The following IL1RAPL1 variants were observed in gnomAD, a reference collection of about 807,000 sequenced individuals.
IL1RAPL1 encodes the protein interleukin-1 receptor accessory protein-like 1.
A neutral mutation model predicts 48.4 loss-of-function variants in IL1RAPL1; 3 were observed. The observed-to-expected ratio is 0.06, with a 90% confidence interval of 0.03 to 0.16. The LOEUF (loss-of-function observed/expected upper bound fraction) is 0.16, where lower values mean the gene tolerates loss of function less well. IL1RAPL1 is among the 10% of genes least tolerant of loss of function. The probability of loss-of-function intolerance (pLI) is 1.00; values close to 1 mark genes in which losing one functional copy is unlikely to be tolerated. For missense variants in IL1RAPL1, 349 were observed against 530.6 expected (o/e 0.66, Z 3.36); for synonymous variants, 185 against 187.7 (o/e 0.99, Z 0.12).
At chrX:29,163,600 A>G (rs1246134675) in intron 2 of IL1RAPL1, among the ~76,000 whole-genome samples, 2 of 111,427 alleles carry the variant, frequency 1.8e-5, no homozygotes, top group East Asian at 2.8e-4. Flanking sequence ...GTGAGAGGTA[A>G]TAAGACCTCT....
chrX:28,892,624 G>A (rs1156603321), intron 2 of IL1RAPL1, among the ~76,000 whole-genome samples: 2 of 110,717 alleles, frequency 1.8e-5, no homozygotes, highest in African/African-American at 6.6e-5. Flanking sequence ...CAGTGTTGAA[G>A]TGTTGGGGCG....
intron 2 of IL1RAPL1, among the ~76,000 whole-genome samples, chrX:28,962,882 ATGTGTG>A (rs56826606): frequency 2.4e-3 from 228 of 96,004 alleles, no homozygotes; most frequent in African/African-American, 7.9e-3. Context: ...GTCTGTGTGT[ATGTGTG>A]TGTGTGTGTG....
At chrX:28,768,735 C>G (rs1378690722) in intron 1 of IL1RAPL1, among the ~76,000 whole-genome samples, 13 of 66,743 alleles carry the variant, frequency 1.9e-4, no homozygotes, top group African/African-American at 6.1e-4. Flanking sequence ...CTCTGTCTCT[C>G]TCTCTCTCTC....
chrX:28,726,526 A>G (rs1035210738), intron 1 of IL1RAPL1, among the ~76,000 whole-genome samples: 11 of 111,968 alleles, frequency 9.8e-5, no homozygotes, highest in Non-Finnish European at 1.9e-5. Context: ...TTAAAACTTT[A>G]AGGAAAAACC....
chrX:29,181,412 AT>A (rs1179498578), intron 2 of IL1RAPL1, among the ~76,000 whole-genome samples: 1 of 111,757 alleles, frequency 8.9e-6, no homozygotes, highest in Non-Finnish European at 1.9e-5. Flanking sequence ...TAAACCTATA[AT>A]TTTTTACATG....
intron 2 of IL1RAPL1, among the ~76,000 whole-genome samples, chrX:29,153,608 G>A (rs1268132677): frequency 1.9e-4 from 21 of 112,476 alleles, no homozygotes; most frequent in Non-Finnish European, 3.6e-4. Context: ...ACTTCCATGT[G>A]TACACATAAT....
intron 5 of IL1RAPL1, among the ~76,000 whole-genome samples, chrX:29,514,730 G>A (rs956394791): frequency 3.6e-5 from 4 of 112,622 alleles, no homozygotes; most frequent in Middle Eastern, 4.7e-3. Context: ...GATTACAGGC[G>A]TGAGCCACCG....
chrX:29,007,006 G>A (rs1926000758), intron 2 of IL1RAPL1, among the ~76,000 whole-genome samples: 3 of 111,035 alleles, frequency 2.7e-5, no homozygotes, highest in Admixed American at 9.7e-5. Flanking sequence ...GACTCTGCAT[G>A]TAGCAATTGG....
intron 1 of IL1RAPL1, among the ~76,000 whole-genome samples, chrX:28,776,975 C>G (rs1936368935): frequency 8.9e-6 from 1 of 112,135 alleles, no homozygotes; most frequent in African/African-American, 3.2e-5. Flanking sequence ...TCTGGCTTTT[C>G]AAATATTTTA....
chrX:28,965,100 G>A (rs1924887593), intron 2 of IL1RAPL1, among the ~76,000 whole-genome samples: 1 of 111,031 alleles, frequency 9.0e-6, no homozygotes, highest in African/African-American at 3.3e-5. Context: ...TTAAGAAATG[G>A]GTGAAATGGT....
intron 7 of IL1RAPL1, 125 bp downstream of exon 7, chrX:29,917,721 A>T: frequency 1.9e-6 from 1 of 524,764 alleles, no homozygotes; most frequent in Non-Finnish European, 3.1e-6. Context: ...TACAATATTT[A>T]ATGATAAAGA....
In IL1RAPL1 at chrX:29,336,304, GGTGTGTGTGTGTGTGT is replaced by G. The variant is rs375590826; in HGVS notation, c.362+53116_362+53131del. ...TATATATATATATGCACCGTTTTGG[GGTGTGTGTGTGTGTGT>G]GTGTGTGTGTGTGTGTGTGTGTGTG... On this transcript the variant is annotated intron_variant, in intron 3 of 10. Coordinates refer to ENST00000378993, the MANE Select transcript of IL1RAPL1 (RefSeq NM_014271.4). 2.8e-4 allele frequency among the ~76,000 whole-genome samples: 20 copies of G among 70,868 alleles called. 1 individual carries two copies. Among genetic ancestry groups the G allele is most frequent in the African/African-American group, 8.6e-4 (16 of 18,599 alleles). 61.5% of individuals were successfully genotyped at this position (70,868 alleles called of 115,157 possible). A position where few individuals can be genotyped will look rare whatever the true frequency, so the allele number is the denominator to read the frequency against.
At chrX:29,190,279 A>G (rs1372445189) in intron 2 of IL1RAPL1, among the ~76,000 whole-genome samples, 1 of 112,167 alleles carries the variant, frequency 8.9e-6, no homozygotes, top group Non-Finnish European at 1.9e-5. Flanking sequence ...TTGGTATCAT[A>G]TGAAGCCAGA....
chrX:29,308,197 T>C (rs1422654805), intron 3 of IL1RAPL1, among the ~76,000 whole-genome samples: 2 of 112,001 alleles, frequency 1.8e-5, no homozygotes, highest in Non-Finnish European at 3.8e-5. Context: ...TGAAACATTC[T>C]CTCTTTTTCC....
At chrX:29,282,755 A>T (rs1932221917) in intron 2 of IL1RAPL1, among the ~76,000 whole-genome samples, 183 bp from the exon 3 acceptor site, 1 of 112,350 alleles carries the variant, frequency 8.9e-6, no homozygotes, top group South Asian at 3.7e-4. Context: ...TTGTTAGCAG[A>T]GTCCACTACT....
intron 5 of IL1RAPL1, among the ~76,000 whole-genome samples, chrX:29,536,756 T>A (rs1048322381): frequency 9.3e-6 from 1 of 107,278 alleles, no homozygotes; most frequent in African/African-American, 3.6e-5. Flanking sequence ...TACAAATAAC[T>A]GATCTTTAAA....
At chrX:29,741,922 C>CAAA (rs754527676) in intron 6 of IL1RAPL1, among the ~76,000 whole-genome samples, 1 of 25,735 alleles carries the variant, frequency 3.9e-5, no homozygotes, top group Admixed American at 7.0e-4. Flanking sequence ...GAGACTCCGT[C>CAAA]AAAAAAAAAA....
chrX:28,956,619 A>G (rs1924617487), intron 2 of IL1RAPL1, among the ~76,000 whole-genome samples: 1 of 100,696 alleles, frequency 9.9e-6, no homozygotes, highest in African/African-American at 3.6e-5. Flanking sequence ...AGCCCACTTG[A>G]TCATGGTGGA....
intron 5 of IL1RAPL1, among the ~76,000 whole-genome samples, chrX:29,437,592 C>T (rs977844202): frequency 9.1e-6 from 1 of 110,166 alleles, no homozygotes; most frequent in African/African-American, 3.3e-5. Flanking sequence ...AGATGTGTCC[C>T]CTAATCCCTT....
Sources: allele counts gnomAD v4.1 joint callset (sites outside exome capture counted in the v4.1 genomes callset), GRCh38; gene constraint gnomAD v4.1.1; transcripts MANE v1.5; gene names NCBI Gene and HGNC (gene_info 2026-07-23, HGNC 2026-07-21).